MITF: variants seen among roughly 807,000 people sequenced by gnomAD.
MITF encodes the protein microphthalmia-associated transcription factor.
In MITF, 17 loss-of-function variants were observed where a neutral mutation model predicts 60.5. The observed-to-expected ratio is 0.28, with a 90% CI of 0.19 to 0.42. The LOEUF is 0.42. Among genes scored for constraint, MITF ranks in the 10% least tolerant of loss-of-function variants. The pLI is 1.00. For missense variants in MITF, 622 were observed against 683.5 expected (o/e 0.91, Z 1.00); for synonymous variants, 260 against 248.5 (o/e 1.05, Z -0.43).
intron 1 of MITF, among the ~76,000 whole-genome samples, chr3:69,853,983 G>A (rs1247071930): frequency 2.0e-5 from 3 of 151,362 alleles, no homozygotes; most frequent in Admixed American, 2.0e-4. Flanking sequence ...GCCAGTAGCT[G>A]GGATTACAGG....
intron 1 of MITF, chr3:69,769,539 G>A (rs915990540): frequency 6.6e-6 from 1 of 151,844 alleles, no homozygotes; most frequent in African/African-American, 2.4e-5. Context: ...GCTATTCACA[G>A]GTGCAATCCT....
intron 1 of MITF, among the ~76,000 whole-genome samples, chr3:69,793,592 G>A (rs1559633716): frequency 9.3e-6 from 1 of 107,192 alleles, no homozygotes; most frequent in South Asian, 3.1e-4. Flanking sequence ...ACTGCCAGAT[G>A]TTCCTTGGGT....
At chr3:69,816,087 T>A (rs2063177500) in intron 1 of MITF, among the ~76,000 whole-genome samples, 1 of 152,166 alleles carries the variant, frequency 6.6e-6, no homozygotes, top group African/African-American at 2.4e-5. Context: ...GTTTATAACT[T>A]TATTACAGAT....
chr3:69,828,567 T>C (rs1206110436), intron 1 of MITF, among the ~76,000 whole-genome samples: 5 of 151,880 alleles, frequency 3.3e-5, no homozygotes. Context: ...AGTCTGTGTA[T>C]ATGTATATAT....
Position 69,939,199 on chromosome 3 carries a change from A to T in MITF, c.666+18A>T. The T allele has an allele frequency of 6.2e-7, 1 of 1,608,148 alleles. No individual in the cohort carries two copies. The highest frequency in any genetic ancestry group is 1.3e-5 in the African/African-American group (1 of 74,918). On this transcript the variant is annotated intron_variant, in intron 4 of 9. Coordinates refer to ENST00000352241, the MANE Select transcript of MITF (RefSeq NM_001354604.2). ...GTATGCAGGTACTGAATGACTTGGC[A>T]GCCTGAGGATGAACACTTTGTAATG...
intron 2 of MITF, among the ~76,000 whole-genome samples, chr3:69,915,314 G>T (rs1013690971): frequency 1.3e-4 from 20 of 152,148 alleles, no homozygotes; most frequent in African/African-American, 4.6e-4. Flanking sequence ...GAGATTTTCT[G>T]TATTATAAAA....
At position 69,959,395 on chromosome 3, in the gene MITF, A is replaced by G. The variant is rs368915509; in HGVS notation, c.1154A>G (p.Asn385Ser). ...ENRQKKLEHA[N>S]RHLLLRIQEL... ...CGACAGAAGAAACTGGAGCACGCCAACCGGCATTTGTTGCTCAGAATACAG... is the reference window on the plus strand; with the variant it reads ...CGACAGAAGAAACTGGAGCACGCCAGCCGGCATTTGTTGCTCAGAATACAG... Residue 385 changes from asparagine (N) to serine (S), a missense_variant, in exon 9 of 10, where the codon AAC (asparagine) becomes AGC (serine). Coordinates refer to ENST00000352241, the MANE Select transcript of MITF (RefSeq NM_001354604.2). The G allele has an allele frequency of 7.6e-5, 122 of 1,613,810 alleles. No homozygotes were observed. Among genetic ancestry groups the G allele is most frequent in the Non-Finnish European group, 9.7e-5 (115 of 1,179,886 alleles).
chr3:69,895,678 C>G (rs2064857835), intron 2 of MITF, among the ~76,000 whole-genome samples: 1 of 152,032 alleles, frequency 6.6e-6, no homozygotes, highest in Non-Finnish European at 1.5e-5. Flanking sequence ...TATGTTCAGT[C>G]AGTGGGTATA....
At chr3:69,780,866 A>T (rs1021187464) in intron 1 of MITF, among the ~76,000 whole-genome samples, 1 of 152,188 alleles carries the variant, frequency 6.6e-6, no homozygotes, top group African/African-American at 2.4e-5. Flanking sequence ...TCCAGACCAG[A>T]TTCACTGTGG....
intron 1 of MITF, among the ~76,000 whole-genome samples, chr3:69,793,980 T>C (rs1371176205): frequency 6.6e-6 from 1 of 152,220 alleles, no homozygotes. Context: ...GACATCATTT[T>C]CTTCGACTGG....
intron 1 of MITF, among the ~76,000 whole-genome samples, chr3:69,857,281 G>C (rs1283755309): frequency 6.6e-6 from 1 of 151,988 alleles, no homozygotes; most frequent in African/African-American, 2.4e-5. Flanking sequence ...GTGGGCTCTG[G>C]AGTTTCAAAC....
intron 1 of MITF, among the ~76,000 whole-genome samples, chr3:69,812,153 G>C (rs998510558): frequency 1.3e-5 from 2 of 152,192 alleles, no homozygotes; most frequent in Non-Finnish European, 2.9e-5. Context: ...ATAAGCAAAA[G>C]AGTGTGATGT....
intron 2 of MITF, among the ~76,000 whole-genome samples, chr3:69,886,905 C>T (rs550415972): frequency 1.3e-5 from 2 of 152,202 alleles, no homozygotes; most frequent in South Asian, 2.1e-4. Flanking sequence ...CATGCTATTA[C>T]AATTCATATG....
intron 2 of MITF, chr3:69,936,519 T>C: frequency 7.8e-7 from 1 of 1,280,170 alleles, no homozygotes; most frequent in Admixed American, 3.4e-5. Flanking sequence ...GGCCCTTATG[T>C]GAACGTTTTT....
At chr3:69,779,685 G>T (rs1458660379) in intron 1 of MITF, among the ~76,000 whole-genome samples, 1 of 151,856 alleles carries the variant, frequency 6.6e-6, no homozygotes, top group Non-Finnish European at 1.5e-5. Flanking sequence ...GAAATTGGGG[G>T]TCAAAAAATA....
chr3:69,877,618 A>T (rs2064385027), intron 1 of MITF, among the ~76,000 whole-genome samples: 1 of 152,144 alleles, frequency 6.6e-6, no homozygotes, highest in Admixed American at 6.5e-5. Context: ...TACTGAGCCA[A>T]TTTCCTGTTG....
Position 69,828,485 on chromosome 3 carries a change from C to G in MITF, c.105-50649C>G, listed in dbSNP as rs546168873. 8.6e-5 allele frequency among the ~76,000 whole-genome samples: 13 copies of G among 152,016 alleles called. 1 individual carries two copies. In the South Asian group the frequency reaches 2.7e-3, roughly 32 times the overall value. ...CTAGAATAAAGGAAACCACTTGTTA[C>G]CTAAGTATACGACATTTTAATAGCT... is the stretch of plus-strand genomic sequence containing the variant. On this transcript the variant is annotated intron_variant, in intron 1 of 9. Coordinates refer to ENST00000352241, the MANE Select transcript of MITF (RefSeq NM_001354604.2).
At position 69,805,804 on chromosome 3, in the gene MITF, A is replaced by G. The variant is rs369277825; in HGVS notation, c.104+66103A>G. Among the ~76,000 whole-genome samples, 26 of 152,232 alleles carry G rather than the reference A, an allele frequency of 1.7e-4. No individual in the cohort carries two copies. The East Asian group carries it at 2.7e-3, about 16-fold the overall frequency. ...CTACCAAATAGCTAGGACTACAGGC[A>G]TATGCCACCATGTCTGGCTAATTTT... On this transcript the variant is annotated intron_variant, in intron 1 of 9. Transcript: ENST00000352241.
chr3:69,951,728 T>G, intron 6 of MITF, 84 bp from the exon 7 acceptor site: 1 of 1,015,324 alleles, frequency 9.8e-7, no homozygotes, highest in Non-Finnish European at 1.6e-6. Context: ...CTTCTGTATG[T>G]TTGGGAAATG....
Sources: allele counts gnomAD v4.1 joint callset (sites outside exome capture counted in the v4.1 genomes callset), GRCh38; gene constraint gnomAD v4.1.1; transcripts MANE v1.5; gene names NCBI Gene and HGNC (gene_info 2026-07-23, HGNC 2026-07-21).